Variants in PRKCA observed in about 807,000 individuals in gnomAD.
PRKCA encodes protein kinase C alpha type.
Under a neutral mutation model 87.0 loss-of-function variants are expected in PRKCA, and 27 were observed. The ratio of observed to expected loss-of-function variants is 0.31; its 90% CI spans 0.23 to 0.43. PRKCA has a LOEUF of 0.43. Among genes scored for constraint, PRKCA ranks in the 20% least tolerant of loss-of-function variants. The probability of loss-of-function intolerance (pLI) is 1.00; values close to 1 mark genes in which losing one functional copy is unlikely to be tolerated. For missense variants in PRKCA, 518 were observed against 852.3 expected, an observed-to-expected ratio of 0.61 and a Z score of 4.88; for synonymous variants, 329 against 311.1, an observed-to-expected ratio of 1.06 and a Z score of -0.61.
chr17:66,332,146 A>G (rs1322968998), intron 2 of PRKCA, among the ~76,000 whole-genome samples: 1 of 151,890 alleles, frequency 6.6e-6, no homozygotes, highest in Non-Finnish European at 1.5e-5. Context: ...GACCATGGGA[A>G]TTCTGGTGAT....
chr17:66,787,543 T>G (rs1184540921), intron 15 of PRKCA, among the ~76,000 whole-genome samples: 1 of 152,254 alleles, frequency 6.6e-6, no homozygotes, highest in Non-Finnish European at 1.5e-5. Context: ...GTTCTTTCTT[T>G]GCTACACTTT....
chr17:66,785,646 G>A (rs973092970), intron 14 of PRKCA, among the ~76,000 whole-genome samples: 1 of 152,226 alleles, frequency 6.6e-6, no homozygotes, highest in Non-Finnish European at 1.5e-5. Flanking sequence ...GGAGGAAAAA[G>A]TTCAAAGGGC....
intron 2 of PRKCA, among the ~76,000 whole-genome samples, chr17:66,451,684 G>A (rs1346787107): frequency 6.6e-6 from 1 of 152,160 alleles, no homozygotes; most frequent in African/African-American, 2.4e-5. Flanking sequence ...ACGGGTGGGT[G>A]GAGCAGAGGG....
At chr17:66,449,093 T>A (rs1396348997) in intron 2 of PRKCA, among the ~76,000 whole-genome samples, 1 of 151,722 alleles carries the variant, frequency 6.6e-6, no homozygotes, top group African/African-American at 2.4e-5. Context: ...CAGATCAGCC[T>A]GGGCAACATA....
At chr17:66,469,947 GT>G (rs1371741237) in intron 2 of PRKCA, among the ~76,000 whole-genome samples, 1 of 152,106 alleles carries the variant, frequency 6.6e-6, no homozygotes, top group Admixed American at 6.5e-5. Flanking sequence ...TTGGGTTAGC[GT>G]TTTATTAGGA....
At chr17:66,330,026 C>A (rs1906229778) in intron 2 of PRKCA, among the ~76,000 whole-genome samples, 1 of 151,956 alleles carries the variant, frequency 6.6e-6, no homozygotes, top group South Asian at 2.1e-4. Context: ...GCTGGTCTTA[C>A]TCAACCCATT....
intron 9 of PRKCA, among the ~76,000 whole-genome samples, chr17:66,734,284 G>A (rs1269375708): frequency 6.6e-6 from 1 of 152,262 alleles, no homozygotes; most frequent in Non-Finnish European, 1.5e-5. Flanking sequence ...CATAGGCAGA[G>A]CAGCAGCATG....
At chr17:66,449,100 CAT>C (rs1205191775) in intron 2 of PRKCA, among the ~76,000 whole-genome samples, 1 of 151,214 alleles carries the variant, frequency 6.6e-6, no homozygotes, top group African/African-American at 2.4e-5. Flanking sequence ...GCCTGGGCAA[CAT>C]AGTGAGTCCC....
At chr17:66,450,113 G>A (rs1914235625) in intron 2 of PRKCA, among the ~76,000 whole-genome samples, 1 of 151,742 alleles carries the variant, frequency 6.6e-6, no homozygotes, top group Admixed American at 6.6e-5. Flanking sequence ...TACTAACTGG[G>A]TGACCTTTGA....
intron 3 of PRKCA, among the ~76,000 whole-genome samples, chr17:66,595,626 AT>A (rs1010707735): frequency 1.3e-5 from 2 of 151,482 alleles, no homozygotes; most frequent in African/African-American, 4.8e-5. Flanking sequence ...AGCCCAGCCA[AT>A]TTTTTTTGTA....
chr17:66,665,503 G>GC (rs1972019339), intron 5 of PRKCA, among the ~76,000 whole-genome samples: 1 of 100,094 alleles, frequency 1.0e-5, no homozygotes, highest in Non-Finnish European at 2.2e-5. Context: ...GTGGCAAGAG[G>GC]GGGTCCAAGT....
At chr17:66,693,750 C>A (rs547179965) in intron 8 of PRKCA, among the ~76,000 whole-genome samples, 1 of 152,192 alleles carries the variant, frequency 6.6e-6, no homozygotes, top group Non-Finnish European at 1.5e-5. Context: ...ATGGGCCATG[C>A]GGTGTCTGGT....
intron 11 of PRKCA, among the ~76,000 whole-genome samples, chr17:66,739,336 C>T (rs1187900864): frequency 6.6e-6 from 1 of 152,194 alleles, no homozygotes; most frequent in Non-Finnish European, 1.5e-5. Flanking sequence ...TATTCTATTT[C>T]CAGTATTTCC....
intron 5 of PRKCA, among the ~76,000 whole-genome samples, chr17:66,659,438 T>A (rs1240956097): frequency 6.6e-6 from 1 of 152,140 alleles, no homozygotes; most frequent in Admixed American, 6.5e-5. Flanking sequence ...GGATGTAGGC[T>A]GGGTGTAGGG....
intron 2 of PRKCA, among the ~76,000 whole-genome samples, chr17:66,348,103 G>A (rs1286791743): frequency 1.3e-5 from 2 of 151,536 alleles, no homozygotes; most frequent in African/African-American, 2.4e-5. Context: ...CACCACGCCC[G>A]GCTAATTTTT....
intron 9 of PRKCA, among the ~76,000 whole-genome samples, chr17:66,734,954 T>C (rs1215308403): frequency 6.6e-6 from 1 of 152,220 alleles, no homozygotes; most frequent in African/African-American, 2.4e-5. Flanking sequence ...TGCTGGTTGA[T>C]GAATAGTTTT....
chr17:66,452,990 T>C (rs1006910068), intron 2 of PRKCA, among the ~76,000 whole-genome samples: 1 of 152,260 alleles, frequency 6.6e-6, no homozygotes, highest in Admixed American at 6.5e-5. Flanking sequence ...AGATGTGCTG[T>C]GTGTCACATT....
intron 5 of PRKCA, among the ~76,000 whole-genome samples, chr17:66,646,805 A>C (rs1115679): frequency 6.6e-6 from 1 of 152,026 alleles, no homozygotes; most frequent in African/African-American, 2.4e-5. Context: ...CCAAGGTATC[A>C]CTGGGAGAGG....
At chr17:66,771,006 C>CT (rs5821504) in intron 13 of PRKCA, among the ~76,000 whole-genome samples, 48,752 of 141,658 alleles carry the variant, frequency 0.34, 8,337 homozygotes, top group Middle Eastern at 0.36. Flanking sequence ...GGCAATGTGT[C>CT]TTTTTTTTTT....
Sources: gnomAD v4.1 joint callset for allele counts (sites outside exome capture counted in the v4.1 genomes callset) on GRCh38, gnomAD v4.1.1 for gene constraint, MANE v1.5 for transcripts, NCBI Gene and HGNC (gene_info 2026-07-23, HGNC 2026-07-21) for gene names.